Variants in RYR2 observed in about 807,000 individuals in gnomAD.
RYR2 encodes the protein cardiac muscle ryanodine receptor-calcium release channel.
A neutral mutation model predicts 601.1 loss-of-function variants in RYR2; 227 were observed. The ratio of observed to expected loss-of-function variants is 0.38; its 90% confidence interval spans 0.34 to 0.42. The LOEUF is 0.42. Ranked by LOEUF, RYR2 falls within the 10% of genes least tolerant of loss-of-function variation. The pLI is 1.00. For missense variants in RYR2, 4,646 were observed against 6,156.5 expected, an observed-to-expected ratio of 0.75 and a Z score of 8.21; for synonymous variants, 2,223 against 2,175.1, an observed-to-expected ratio of 1.02 and a Z score of -0.61.
At chr1:237,303,947 C>CT (rs1422529050) in intron 2 of RYR2, among the ~76,000 whole-genome samples, 1 of 152,076 alleles carries the variant, frequency 6.6e-6, no homozygotes, top group Non-Finnish European at 1.5e-5. Context: ...CCTTGTTTTC[C>CT]TTTTTTTGTG....
chr1:237,308,467 C>G (rs955603193), intron 2 of RYR2, among the ~76,000 whole-genome samples: 4 of 152,196 alleles, frequency 2.6e-5, no homozygotes, highest in African/African-American at 9.7e-5. Flanking sequence ...TAAGAATCCT[C>G]CCTTGGATCT....
rs397516532 is a variant in RYR2 at position 237,595,661 on chromosome 1, C to T, written c.4596+4C>T. The T allele has an allele frequency of 2.6e-5, 42 of 1,606,844 alleles. No individual in the cohort carries two copies. The highest frequency in any genetic ancestry group is 1.7e-4 in the Middle Eastern group (1 of 6,036). ...GGAACTGAGCACATACTATCAGGTA[C>T]GCGGTCAGTGATGATATCAGTCTTC... On this transcript the variant is annotated splice_donor_region_variant and intron_variant, in intron 34 of 104. Coordinates refer to ENST00000366574, the MANE Select transcript of RYR2 (RefSeq NM_001035.3).
chr1:237,053,831 A>G (rs1661596802), intron 1 of RYR2, among the ~76,000 whole-genome samples: 1 of 152,178 alleles, frequency 6.6e-6, no homozygotes, highest in African/African-American at 2.4e-5. Flanking sequence ...CAGGAGTACC[A>G]TTATCTAAGG....
At chr1:237,063,257 G>A (rs1387674528) in intron 1 of RYR2, among the ~76,000 whole-genome samples, 1 of 152,234 alleles carries the variant, frequency 6.6e-6, no homozygotes, top group Non-Finnish European at 1.5e-5. Context: ...AGAATGGTGA[G>A]AAGTAAATTC....
intron 74 of RYR2, among the ~76,000 whole-genome samples, chr1:237,725,761 G>T (rs1401091830): frequency 6.6e-6 from 1 of 152,028 alleles, no homozygotes; most frequent in Non-Finnish European, 1.5e-5. Context: ...CCTGCCAAAT[G>T]ATAAGCTTCC....
intron 1 of RYR2, among the ~76,000 whole-genome samples, chr1:237,161,615 T>A (rs949393817): frequency 1.3e-5 from 2 of 152,192 alleles, no homozygotes; most frequent in Non-Finnish European, 2.9e-5. Flanking sequence ...TTTCCATGCA[T>A]ACTAGAAGAC....
At chr1:237,422,619 G>T (rs1705707887) in intron 11 of RYR2, among the ~76,000 whole-genome samples, 1 of 152,104 alleles carries the variant, frequency 6.6e-6, no homozygotes, top group Admixed American at 6.6e-5. Context: ...ATATATATGA[G>T]TTCCAATTAA....
In RYR2 at chr1:237,154,709, G is replaced by GTCCTA. The variant is rs530092056; in HGVS notation, c.48+112144_48+112148dup. Among the ~76,000 whole-genome samples, 932 of 152,244 alleles carry GTCCTA rather than the reference G, an allele frequency of 6.1e-3. 7 individuals carry two copies. The highest frequency in any genetic ancestry group is 0.031 in the South Asian group (151 of 4,828). ...ATGGCCTGTACAGATTTGGACCTCC[G>GTCCTA]TCCTATCCCTAGAGGGACATTTTAT... On this transcript the variant is annotated intron_variant, in intron 1 of 104. Coordinates refer to ENST00000366574, the MANE Select transcript of RYR2 (RefSeq NM_001035.3).
chr1:237,569,414 A>ACC, intron 29 of RYR2, 95 bp downstream of exon 29: 2 of 1,208,298 alleles, frequency 1.7e-6, no homozygotes, highest in Non-Finnish European at 2.4e-6. Flanking sequence ...TTTCAGGGTG[A>ACC]GTGAGCAGAT....
At position 237,784,941 on chromosome 1, in the gene RYR2, T is replaced by C. The variant is rs748604898; in HGVS notation, c.13229T>C (p.Val4410Ala). ...AGLSDLMSNP[V>A]PMPEVQEKFQ... ...CTCAGTGACCTCATGAGCAACCCAG[T>C]CCCCATGCCTGAGGTGCAGGAAAAA... Residue 4410 changes from valine (V) to alanine (A), a missense_variant, in exon 90 of 105, where the codon GTC becomes GCC. Val to Ala is a moderately conservative substitution (Grantham distance 64, BLOSUM62 0). Coordinates refer to ENST00000366574, the MANE Select transcript of RYR2 (RefSeq NM_001035.3). The surrounding 1 kb of genome is among the most constrained non-coding windows in gnomAD (Gnocchi z 7.1). 2 of 1,602,714 alleles carry C rather than the reference T, an allele frequency of 1.2e-6. No homozygotes were observed. Among genetic ancestry groups the C allele is most frequent in the Non-Finnish European group, 1.7e-6 (2 of 1,174,398 alleles).
At chr1:237,357,915 AGAACACG>A (rs2149700486) in intron 4 of RYR2, among the ~76,000 whole-genome samples, 1 of 152,348 alleles carries the variant, frequency 6.6e-6, no homozygotes, top group East Asian at 1.9e-4. Flanking sequence ...GCTGGGTTTT[AGAACACG>A]GATGATCACT....
Position 237,378,325 on chromosome 1 carries a change from G to A in RYR2, c.576+890G>A, listed in dbSNP as rs566461826. On this transcript the variant is annotated intron_variant, in intron 8 of 104. Transcript: ENST00000366574. ...ATGCATTTTGAACTTTTGTGGTAAG[G>A]TCAATATGTATTTAATTTAACTTAT... 1.6e-4 allele frequency among the ~76,000 whole-genome samples: 24 copies of A among 152,274 alleles called. No individual in the cohort carries two copies. The East Asian group carries it at 2.5e-3, about 16-fold the overall frequency.
chr1:237,201,640 C>G (rs1681204887), intron 1 of RYR2, among the ~76,000 whole-genome samples: 1 of 152,156 alleles, frequency 6.6e-6, no homozygotes, highest in Non-Finnish European at 1.5e-5. Flanking sequence ...CTCCTTTTAT[C>G]ATCGTCATTA....
At position 237,785,946 on chromosome 1, in the gene RYR2, T is replaced by C. The variant is rs750175635; in HGVS notation, c.13261-23T>C. The C allele has an allele frequency of 3.9e-6, 6 of 1,548,000 alleles. No homozygotes were observed. The African/African-American group carries it at 5.4e-5, about 14-fold the overall frequency. ...AAGGTGATGGGTAATCCTGGTTTTC[T>C]TTTCCCCATTGACTCATTCAAGGAA... On this transcript the variant is annotated intron_variant, in intron 90 of 104. Coordinates refer to ENST00000366574, the MANE Select transcript of RYR2 (RefSeq NM_001035.3).
intron 1 of RYR2, among the ~76,000 whole-genome samples, chr1:237,120,185 T>G (rs2148643214): frequency 6.6e-6 from 1 of 152,154 alleles, no homozygotes; most frequent in South Asian, 2.1e-4. Flanking sequence ...TTATCAGGGG[T>G]TTTGAGAAGA....
At chr1:237,107,727 C>T (rs1481373097) in intron 1 of RYR2, among the ~76,000 whole-genome samples, 4 of 152,010 alleles carry the variant, frequency 2.6e-5, no homozygotes, top group African/African-American at 7.3e-5. Flanking sequence ...GTGTAGGAAA[C>T]GTCTGGACAC....
At chr1:237,792,598 G>C (rs1470223554) in intron 94 of RYR2, among the ~76,000 whole-genome samples, 5 of 152,270 alleles carry the variant, frequency 3.3e-5, no homozygotes, top group Admixed American at 6.5e-5. Context: ...CCAAAGCTGG[G>C]ATGCCCCTTC....
chr1:237,433,392 A>G (rs1707029652), intron 12 of RYR2, among the ~76,000 whole-genome samples: 1 of 152,128 alleles, frequency 6.6e-6, no homozygotes, highest in African/African-American at 2.4e-5. Flanking sequence ...GCCCAATGAC[A>G]TAAAAATCCA....
intron 1 of RYR2, among the ~76,000 whole-genome samples, chr1:237,241,907 A>G (rs1686213459): frequency 6.6e-6 from 1 of 152,138 alleles, no homozygotes; most frequent in South Asian, 2.1e-4. Context: ...TTTTGTCACC[A>G]TCTTGATTCT....
Sources: gnomAD v4.1 joint callset for allele counts (sites outside exome capture counted in the v4.1 genomes callset) on GRCh38, gnomAD v4.1.1 for gene constraint, Gnocchi (gnomAD v3.1) non-coding constraint, MANE v1.5 for transcripts, NCBI Gene and HGNC (gene_info 2026-07-23, HGNC 2026-07-21) for gene names.